Variants in RPH3AL observed in about 807,000 individuals in gnomAD.
RPH3AL encodes the protein rab effector Noc2.
In RPH3AL, 38 loss-of-function variants were observed where a neutral mutation model predicts 43.1. The observed-to-expected ratio is 0.88, with a 90% CI of 0.68 to 1.15. RPH3AL has a LOEUF of 1.15. Among genes scored for constraint, RPH3AL ranks in the 50% most tolerant of loss-of-function variants. The probability of loss-of-function intolerance (pLI) is 0.00; values close to 1 mark genes in which losing one functional copy is unlikely to be tolerated. For missense variants in RPH3AL, 462 were observed against 423.2 expected, an observed-to-expected ratio of 1.09 and a Z score of -0.81; for synonymous variants, 189 against 176.3, an observed-to-expected ratio of 1.07 and a Z score of -0.57.
In RPH3AL at chr17:219,626, A is replaced by C. The variant is rs1350590720; in HGVS notation, c.724T>G (p.Ser242Ala). ...DRKGDKPWKESGGSVEAPRMG... is the reference protein window; with the variant it reads ...DRKGDKPWKEAGGSVEAPRMG... ...AGCATTTCACTCCCCACCTTACCTGACTCCTTCCAGGGTTTGTCGCCTTTC... is the reference window on the plus strand; with the variant it reads ...AGCATTTCACTCCCCACCTTACCTGCCTCCTTCCAGGGTTTGTCGCCTTTC... Residue 242 changes from serine to alanine, a missense_variant, in exon 8 of 10, where the codon TCA (serine) becomes GCA (alanine). By Grantham distance (99) the Ser-to-Ala change is moderately conservative. Transcript: ENST00000331302. The C allele has an allele frequency of 6.3e-7, 1 of 1,585,574 alleles. No individual in the cohort carries two copies. Among genetic ancestry groups the C allele is most frequent in the Admixed American group, 1.8e-5 (1 of 55,854 alleles).
At chr17:234,610 C>T in intron 7 of RPH3AL, 1 of 155,118 alleles carries the variant, frequency 6.4e-6, no homozygotes, top group Non-Finnish European at 1.4e-5. Flanking sequence ...CAGACGGCAC[C>T]CACCTCCTGA....
chr17:278,728 C>T (rs1177008088), intron 6 of RPH3AL, among the ~76,000 whole-genome samples: 4 of 152,164 alleles, frequency 2.6e-5, no homozygotes, highest in Admixed American at 6.5e-5. Context: ...TGTGGTCTCC[C>T]TCTCCCATTG....
chr17:262,070 T>G (rs1555546391), intron 6 of RPH3AL: 1 of 152,132 alleles, frequency 6.6e-6, no homozygotes, highest in African/African-American at 2.4e-5. Flanking sequence ...AAATATTGGG[T>G]AAATTAAAAT....
At chr17:271,374 C>A (rs2042459608) in intron 6 of RPH3AL, among the ~76,000 whole-genome samples, 1 of 152,124 alleles carries the variant, frequency 6.6e-6, no homozygotes, top group South Asian at 2.1e-4. Flanking sequence ...GGCAGTATGG[C>A]CATTTTCACA....
chr17:296,541 C>T (rs932095449), intron 5 of RPH3AL, among the ~76,000 whole-genome samples: 22 of 152,196 alleles, frequency 1.4e-4, no homozygotes, highest in African/African-American at 4.3e-4. Context: ...CCTGGACCAG[C>T]TCCACCTTGG....
chr17:317,578 G>C (rs775185198), intron 5 of RPH3AL, among the ~76,000 whole-genome samples: 1 of 151,934 alleles, frequency 6.6e-6, no homozygotes, highest in Admixed American at 6.6e-5. Context: ...CAGGGCCTTG[G>C]CAAGGCTGAA....
At chr17:279,861 T>C (rs541748287) in intron 6 of RPH3AL, among the ~76,000 whole-genome samples, 2 of 152,170 alleles carry the variant, frequency 1.3e-5, no homozygotes, top group African/African-American at 4.8e-5. Flanking sequence ...CTGATAGTTA[T>C]GGAATATCTA....
Position 283,660 on chromosome 17 carries a change from C to A in RPH3AL, c.352-1806G>T, listed in dbSNP as rs2042837184. Among the ~76,000 whole-genome samples the A allele has an allele frequency of 6.6e-6, 1 of 152,058 alleles. No individual in the cohort carries two copies. Among genetic ancestry groups the A allele is most frequent in the Admixed American group, 6.6e-5 (1 of 15,254 alleles). On this transcript the variant is annotated intron_variant, in intron 5 of 9. Coordinates refer to ENST00000331302, the MANE Select transcript of RPH3AL (RefSeq NM_006987.4). The surrounding 1 kb of genome is among the most constrained non-coding windows in gnomAD (Gnocchi z 4.2). ...TCTTGCTTCCCAAGCTCTCATGACC[C>A]CATGAGAGGGAGTGGGAGCATGTGG...
At chr17:315,632 C>G (rs79830119) in intron 5 of RPH3AL, among the ~76,000 whole-genome samples, 8 of 151,006 alleles carry the variant, frequency 5.3e-5, no homozygotes, top group Non-Finnish European at 8.8e-5. Context: ...TACTCCACCT[C>G]CACTGACCTG....
At chr17:330,014 T>C (rs190213214) in intron 2 of RPH3AL, among the ~76,000 whole-genome samples, 2 of 152,376 alleles carry the variant, frequency 1.3e-5, no homozygotes, top group African/African-American at 2.4e-5. Context: ...CCTATGACTA[T>C]TCTTATGGAA....
At chr17:294,030 AAAAAT>A (rs1567621089) in intron 5 of RPH3AL, among the ~76,000 whole-genome samples, 1 of 151,864 alleles carries the variant, frequency 6.6e-6, no homozygotes, top group Non-Finnish European at 1.5e-5. Context: ...TCGGTCTCAA[AAAAAT>A]AAAATAAAAA....
In RPH3AL at chr17:315,480, C is replaced by T. The variant is rs1567510370; in HGVS notation, c.351+3940G>A. On this transcript the variant is annotated intron_variant, in intron 5 of 9. Coordinates refer to ENST00000331302, the MANE Select transcript of RPH3AL (RefSeq NM_006987.4). ...ACCTGTAGTCCCTGTGCTCCCACCT[C>T]CATTGACCTGTAGTCCCTGTGACTC... is the stretch of plus-strand genomic sequence containing the variant. 2.6e-4 allele frequency among the ~76,000 whole-genome samples: 38 copies of T among 148,422 alleles called. No individual in the cohort carries two copies. The East Asian group carries it at 6.8e-3, about 26-fold the overall frequency.
In RPH3AL at chr17:342,844, TC is replaced by T. The variant is rs549881558; in HGVS notation, c.-212-8911del. Among the ~76,000 whole-genome samples the T allele has an allele frequency of 2.3e-3, 345 of 152,310 alleles. 2 individuals are homozygous for T. The highest frequency in any genetic ancestry group is 4.4e-3 in the Admixed American group (68 of 15,296). ...AAATTAATATGTTATTAATTTATTC[TC>T]CTCATAGAGAATTTATAGAGTCTCA... is the stretch of plus-strand genomic sequence containing the variant. On this transcript the variant is annotated intron_variant, in intron 1 of 9. Transcript: ENST00000331302.
At chr17:314,306 G>C (rs973584593) in intron 5 of RPH3AL, among the ~76,000 whole-genome samples, 3 of 152,150 alleles carry the variant, frequency 2.0e-5, no homozygotes, top group Non-Finnish European at 2.9e-5. Context: ...AGCAGCTGTG[G>C]GGTTGAGAGA....
At chr17:247,623 CTA>C in intron 6 of RPH3AL, 8 of 287,590 alleles carry the variant, frequency 2.8e-5, no homozygotes, top group South Asian at 2.5e-4. Context: ...GCAGCTGGGA[CTA>C]CTGTACCTGG....
At chr17:292,192 C>T (rs767261098) in intron 5 of RPH3AL, among the ~76,000 whole-genome samples, 4 of 152,162 alleles carry the variant, frequency 2.6e-5, no homozygotes, top group Non-Finnish European at 5.9e-5. Flanking sequence ...GTCACCGGCC[C>T]CTCCGATCAT....
In RPH3AL at chr17:268,434, A is replaced by C. The variant is rs1243041113; in HGVS notation, c.438+13334T>G. ...AAGAATATAGTATATAATGCATATAATATACAAAATATGTGTTAACTGAAT... is the reference window on the plus strand; with the variant it reads ...AAGAATATAGTATATAATGCATATACTATACAAAATATGTGTTAACTGAAT... On this transcript the variant is annotated intron_variant, in intron 6 of 9. Transcript: ENST00000331302. 3.3e-5 allele frequency among the ~76,000 whole-genome samples: 5 copies of C among 152,148 alleles called. No individual in the cohort carries two copies. The East Asian group carries it at 9.6e-4, about 29-fold the overall frequency.
At chr17:230,364 G>C (rs893135548) in intron 7 of RPH3AL, among the ~76,000 whole-genome samples, 6 of 152,240 alleles carry the variant, frequency 3.9e-5, no homozygotes, top group African/African-American at 1.4e-4. Flanking sequence ...TGGATGGACG[G>C]AAGAAGAGAT....
chr17:308,468 G>A (rs1225589005), intron 5 of RPH3AL, among the ~76,000 whole-genome samples: 1 of 152,224 alleles, frequency 6.6e-6, no homozygotes, highest in Admixed American at 6.5e-5. Context: ...CAAGAGAATC[G>A]AAGGCAGGGT....
Sources: gnomAD v4.1 joint callset for allele counts (sites outside exome capture counted in the v4.1 genomes callset) on GRCh38, gnomAD v4.1.1 for gene constraint, Gnocchi (gnomAD v3.1) non-coding constraint, MANE v1.5 for transcripts, NCBI Gene and HGNC (gene_info 2026-07-23, HGNC 2026-07-21) for gene names.